LRP1B: variants seen among roughly 807,000 people sequenced by gnomAD.
LRP1B encodes low-density lipoprotein receptor-related protein 1B.
LRP1B carries 217 observed loss-of-function variants against 556.6 expected under a neutral mutation model. The observed-to-expected ratio is 0.39, with a 90% CI of 0.35 to 0.44. The LOEUF is 0.44. Among genes scored for constraint, LRP1B ranks in the 20% least tolerant of loss-of-function variants. LRP1B has a pLI of 1.00. For missense variants in LRP1B, 5,053 were observed against 5,620.8 expected (o/e 0.90, Z 3.23); for synonymous variants, 2,047 against 1,865.8 (o/e 1.10, Z -2.50).
chr2:141,849,339 AT>A (rs1280770806), intron 1 of LRP1B, among the ~76,000 whole-genome samples: 2 of 151,686 alleles, frequency 1.3e-5, no homozygotes, highest in Admixed American at 6.6e-5. Context: ...TTGTGACAGC[AT>A]TTTCTTTCTT....
intron 41 of LRP1B, among the ~76,000 whole-genome samples, chr2:140,686,127 T>A (rs910645733): frequency 6.6e-6 from 1 of 152,126 alleles, no homozygotes; most frequent in Non-Finnish European, 1.5e-5. Context: ...AGAAAGAACA[T>A]GTTTTTAAGA....
At chr2:141,986,262 G>A (rs1291435994) in intron 1 of LRP1B, among the ~76,000 whole-genome samples, 1 of 151,860 alleles carries the variant, frequency 6.6e-6, no homozygotes, top group African/African-American at 2.4e-5. Context: ...TAAATTTTAT[G>A]TTATATTTTA....
chr2:141,677,948 T>C (rs972843270), intron 2 of LRP1B, among the ~76,000 whole-genome samples: 1 of 152,158 alleles, frequency 6.6e-6, no homozygotes, highest in African/African-American at 2.4e-5. Flanking sequence ...AGATGGTATA[T>C]ATAGGACTTG....
At chr2:141,108,951 G>C (rs903838202) in intron 7 of LRP1B, among the ~76,000 whole-genome samples, 1 of 152,150 alleles carries the variant, frequency 6.6e-6, no homozygotes, top group Non-Finnish European at 1.5e-5. Context: ...ATGGGAACCT[G>C]AATTGTGCTA....
chr2:141,983,802 T>C (rs1162437351), intron 1 of LRP1B, among the ~76,000 whole-genome samples: 1 of 152,206 alleles, frequency 6.6e-6, no homozygotes, highest in Non-Finnish European at 1.5e-5. Context: ...GGCTCACGCC[T>C]GCAATCCCAG....
chr2:140,552,942 G>C (rs912386774), intron 43 of LRP1B, among the ~76,000 whole-genome samples: 4 of 151,910 alleles, frequency 2.6e-5, no homozygotes, highest in African/African-American at 9.7e-5. Flanking sequence ...GAACTTCACT[G>C]GTGCCTTGTT....
chr2:140,742,877 A>G lies in LRP1B; in HGVS notation c.5759-26061T>C, dbSNP rs749829564. ...AGCTACCCACTAATAATATGACATA[A>G]TACGTAACAATTGGTAAGAAAATTT... On this transcript the variant is annotated intron_variant, in intron 35 of 90. Coordinates refer to ENST00000389484, the MANE Select transcript of LRP1B (RefSeq NM_018557.3). Among the ~76,000 whole-genome samples, 48 of 152,316 alleles carry G rather than the reference A, an allele frequency of 3.2e-4. No homozygotes were observed. The Middle Eastern group carries it at 0.017, about 54-fold the overall frequency.
chr2:140,516,757 A>G, intron 50 of LRP1B, 132 bp downstream of exon 50: 1 of 808,962 alleles, frequency 1.2e-6, no homozygotes. Flanking sequence ...CCATTTTTGT[A>G]TTATTTAATA....
chr2:140,837,994 A>G (rs1307167836), intron 31 of LRP1B, among the ~76,000 whole-genome samples: 1 of 152,160 alleles, frequency 6.6e-6, no homozygotes, highest in Non-Finnish European at 1.5e-5. Flanking sequence ...CCAGCTATAA[A>G]TTGTGAATAG....
At chr2:141,466,080 G>T (rs1225440652) in intron 3 of LRP1B, among the ~76,000 whole-genome samples, 1 of 150,164 alleles carries the variant, frequency 6.7e-6, no homozygotes. Flanking sequence ...GTAGAGATGG[G>T]GTTTCACCAT....
chr2:140,586,628 T>G (rs1681997223), intron 43 of LRP1B: 1 of 152,194 alleles, frequency 6.6e-6, no homozygotes, highest in African/African-American at 2.4e-5. Flanking sequence ...GAACTCCCAC[T>G]CTTCATCCAG....
intron 52 of LRP1B, 141 bp from the exon 53 acceptor site, chr2:140,507,059 A>T: frequency 1.4e-6 from 1 of 695,062 alleles, no homozygotes; most frequent in South Asian, 2.2e-5. Flanking sequence ...AATATTCAAT[A>T]CATCAGATAA....
intron 20 of LRP1B, among the ~76,000 whole-genome samples, chr2:140,948,105 G>A (rs1018542529): frequency 1.3e-5 from 2 of 152,110 alleles, no homozygotes; most frequent in African/African-American, 4.8e-5. Context: ...TTCATAATAT[G>A]TAATGATCGT....
chr2:140,261,026 G>A lies in LRP1B; in HGVS notation c.13247+9216C>T, dbSNP rs529379850. Among the ~76,000 whole-genome samples the A allele has an allele frequency of 1.5e-4, 22 of 144,350 alleles. No homozygotes were observed. In the South Asian group the frequency reaches 4.9e-3, roughly 32 times the overall value. 94.7% of individuals were successfully genotyped at this position (144,350 alleles called of 152,430 possible). ...TATCTGTTGATGAGTGGATATAAGA[G>A]AATGTTGGTGAGATATATATATATG... is the stretch of plus-strand genomic sequence containing the variant. On this transcript the variant is annotated intron_variant, in intron 86 of 90. Transcript: ENST00000389484.
At chr2:140,527,020 G>A (rs982844236) in intron 47 of LRP1B, among the ~76,000 whole-genome samples, 2 of 151,806 alleles carry the variant, frequency 1.3e-5, no homozygotes, top group African/African-American at 4.8e-5. Flanking sequence ...TAAATAGGAT[G>A]CCTCATGTCA....
intron 20 of LRP1B, among the ~76,000 whole-genome samples, chr2:140,937,049 T>C (rs1344778048): frequency 6.6e-6 from 1 of 152,234 alleles, no homozygotes; most frequent in East Asian, 1.9e-4. Context: ...GTTATAACTT[T>C]AGGATGTTAA....
chr2:140,984,165 T>A (rs1696852225), intron 17 of LRP1B, among the ~76,000 whole-genome samples: 1 of 151,906 alleles, frequency 6.6e-6, no homozygotes, highest in Non-Finnish European at 1.5e-5. Flanking sequence ...GAGAGATTAA[T>A]AATTTTTCCC....
rs553736633 is a variant in LRP1B, at chr2:141,673,022, C to A, written c.205+137257G>T. ...CACATTCCCCTACCCTAAAAACAGT[C>A]GCCTATATCACTGTAAGTTAAAGTT... On this transcript the variant is annotated intron_variant, in intron 2 of 90. Transcript: ENST00000389484. Among the ~76,000 whole-genome samples, 42 of 151,918 alleles carry A rather than the reference C, an allele frequency of 2.8e-4. No homozygotes were observed. The South Asian group carries it at 8.5e-3, about 31-fold the overall frequency.
rs966005052 is a variant in LRP1B, at chr2:140,293,230, A to T, written c.12967+4578T>A. 1.2e-4 allele frequency among the ~76,000 whole-genome samples: 18 copies of T among 152,148 alleles called. 1 individual carries two copies. Among genetic ancestry groups the T allele is most frequent in the Non-Finnish European group, 4.4e-5 (3 of 68,028 alleles). On this transcript the variant is annotated intron_variant, in intron 84 of 90. Transcript: ENST00000389484. ...GCCTGGTTGGCCTAATGTTATTATC[A>T]TTTAATCACAAATAACTTCAGATAT...
Sources: gnomAD v4.1 joint callset for allele counts (sites outside exome capture counted in the v4.1 genomes callset) on GRCh38, gnomAD v4.1.1 for gene constraint, MANE v1.5 for transcripts, NCBI Gene and HGNC (gene_info 2026-07-23, HGNC 2026-07-21) for gene names.